The following RGS13 variants were observed in gnomAD, a reference collection of about 807,000 sequenced individuals.
RGS13 encodes the protein regulator of G protein signaling 13.
In RGS13, 14 loss-of-function variants were observed where a neutral mutation model predicts 19.9. The ratio of observed to expected loss-of-function variants is 0.70; its 90% CI spans 0.46 to 1.10. The LOEUF (loss-of-function observed/expected upper bound fraction) is 1.10, where lower values mean the gene tolerates loss of function less well. RGS13 is among the 50% of genes least tolerant of loss of function. The pLI is 0.00. For missense variants in RGS13, 205 were observed against 187.1 expected, an observed-to-expected ratio of 1.10 and a Z score of -0.56; for synonymous variants, 60 against 56.8, an observed-to-expected ratio of 1.06 and a Z score of -0.25.
In RGS13 at chr1:192,644,339, G is replaced by A; in HGVS notation, c.5G>A (p.Ser2Asn). Residue 2 changes from serine to asparagine, a missense_variant, in exon 4 of 7, where the codon AGC becomes AAC. By Grantham distance (46) the Ser-to-Asn change is conservative (BLOSUM62 1). Coordinates refer to ENST00000391995, the MANE Select transcript of RGS13 (RefSeq NM_002927.5). Reference protein sequence around the residue: MSRRNCWICKMC... With the variant: MNRRNCWICKMC... Reference sequence around the variant, plus strand: ...ATACTGTATTTCCTTAGAAAAATGAGCAGGCGGAATTGTTGGATTTGTAAG... The same window carrying A: ...ATACTGTATTTCCTTAGAAAAATGAACAGGCGGAATTGTTGGATTTGTAAG... 2 of 1,608,262 alleles carry A rather than the reference G, an allele frequency of 1.2e-6. No individual in the cohort carries two copies. The highest frequency in any genetic ancestry group is 1.1e-5 in the South Asian group (1 of 90,356).
At chr1:192,644,196 G>T in intron 3 of RGS13, 135 bp from the exon 4 acceptor site, 1 of 516,046 alleles carries the variant, frequency 1.9e-6, no homozygotes, top group South Asian at 4.6e-5. Flanking sequence ...CTCCCCCAGT[G>T]ACTGTATTCC....
rs74741504 is a variant in RGS13, at chr1:192,644,768, G to A, written c.65+369G>A. ...AGCTTCATCCCTAGATAAAGAAGGT[G>A]AGACTGGAGGAGGAATCAAATGTTA... On this transcript the variant is annotated intron_variant, in intron 4 of 6. Coordinates refer to ENST00000391995, the MANE Select transcript of RGS13 (RefSeq NM_002927.5). 1,203 of 163,102 alleles carry A rather than the reference G, an allele frequency of 7.4e-3. 43 individuals are homozygous for A. Among genetic ancestry groups the A allele is most frequent in the Admixed American group, 0.06 (934 of 15,612 alleles). The allele number at this position is 163,102 out of a possible 1,614,324, so 10.1% of individuals were successfully genotyped here.
intron 5 of RGS13, among the ~76,000 whole-genome samples, chr1:192,655,930 G>A (rs1468159866): frequency 1.3e-5 from 2 of 151,976 alleles, no homozygotes; most frequent in African/African-American, 4.8e-5. Context: ...TGTATATATG[G>A]CTTCATTAGC....
chr1:192,641,251 AAGAAAAG>A (rs1663108809), intron 3 of RGS13, among the ~76,000 whole-genome samples: 2 of 57,560 alleles, frequency 3.5e-5, no homozygotes, highest in Admixed American at 2.2e-4. Flanking sequence ...AAAGAAAAGA[AAGAAAAG>A]AAAGAAAGAA....
chr1:192,654,911 C>T (rs949299345), intron 5 of RGS13, among the ~76,000 whole-genome samples: 6 of 151,928 alleles, frequency 3.9e-5, no homozygotes, highest in African/African-American at 1.5e-4. Context: ...TTCCATCCTC[C>T]CAATTTAAAT....
intron 3 of RGS13, among the ~76,000 whole-genome samples, chr1:192,644,015 G>C (rs12022842): frequency 1.3e-5 from 2 of 152,012 alleles, no homozygotes; most frequent in Admixed American, 6.6e-5. Context: ...TGGTAAATTC[G>C]TTATCGGTAA....
chr1:192,638,527 C>A (rs1446235518), intron 3 of RGS13, among the ~76,000 whole-genome samples: 1 of 151,972 alleles, frequency 6.6e-6, no homozygotes, highest in East Asian at 1.9e-4. Context: ...ACGTGTGAAT[C>A]CAGTAGTAAT....
chr1:192,655,846 T>C (rs1045853848), intron 5 of RGS13, among the ~76,000 whole-genome samples: 2 of 151,872 alleles, frequency 1.3e-5, no homozygotes, highest in African/African-American at 4.8e-5. Flanking sequence ...GATAGATAGA[T>C]GGAAACAGAT....
chr1:192,640,091 T>C (rs571313937), intron 3 of RGS13, among the ~76,000 whole-genome samples: 1 of 151,774 alleles, frequency 6.6e-6, no homozygotes, highest in Non-Finnish European at 1.5e-5. Flanking sequence ...AAATAGAGGG[T>C]AGGGGAGAAG....
chr1:192,659,570 G>T lies in RGS13; in HGVS notation c.*47G>T. On this transcript the variant is annotated 3_prime_UTR_variant, in exon 7 of 7. Transcript: ENST00000391995. ...AGAAAACAGTATATTGAAAGTGGTG[G>T]GTTTGATCTTTTTATTTAGAAACCC... 2 of 1,355,220 alleles carry T rather than the reference G, an allele frequency of 1.5e-6. No individual in the cohort carries two copies. Among genetic ancestry groups the T allele is most frequent in the East Asian group, 2.4e-5 (1 of 41,152 alleles). The allele number at this position is 1,355,220 out of a possible 1,614,324, so 83.9% of individuals were successfully genotyped here.
At chr1:192,641,216 GAA>G (rs1558049054) in intron 3 of RGS13, among the ~76,000 whole-genome samples, 77 of 88,090 alleles carry the variant, frequency 8.7e-4, no homozygotes, top group African/African-American at 4.0e-3. Context: ...AAGAAAGAAA[GAA>G]AGAGAGAAAG....
chr1:192,659,293 T>C, intron 6 of RGS13, 45 bp from the exon 7 acceptor site: 1 of 1,472,548 alleles, frequency 6.8e-7, no homozygotes, highest in Middle Eastern at 1.8e-4. Flanking sequence ...TGCCTTTTTT[T>C]CAACTATGCT....
chr1:192,657,773 C>T (rs540654809), intron 5 of RGS13, among the ~76,000 whole-genome samples: 1 of 152,194 alleles, frequency 6.6e-6, no homozygotes, highest in African/African-American at 2.4e-5. Context: ...TTTCTCCTGA[C>T]CTTGACCTAC....
intron 1 of RGS13, 145 bp downstream of exon 1, chr1:192,636,462 CAT>C (rs1663020858): frequency 6.6e-6 from 1 of 151,966 alleles, no homozygotes; most frequent in African/African-American, 2.4e-5. Context: ...CTAACAAACA[CAT>C]ATTCTTTTGC....
chr1:192,647,478 C>T (rs1663242230), intron 4 of RGS13: 1 of 152,158 alleles, frequency 6.6e-6, no homozygotes, highest in Admixed American at 6.6e-5. Flanking sequence ...AATGATTATA[C>T]ATTTGTAATT....
At chr1:192,653,463 C>A (rs1188421443) in intron 5 of RGS13, among the ~76,000 whole-genome samples, 1 of 151,918 alleles carries the variant, frequency 6.6e-6, no homozygotes, top group Admixed American at 6.6e-5. Flanking sequence ...TCTAAAAATT[C>A]TATTTTAAAT....
At position 192,659,603 on chromosome 1, in the gene RGS13, C is replaced by A; in HGVS notation, c.*80C>A. On this transcript the variant is annotated 3_prime_UTR_variant, in exon 7 of 7. Transcript: ENST00000391995. ...CTTTTTATTTAGAAACCCACAAAAT[C>A]AGAAACACAGTACAAATAAAACAGA... 1.1e-6 allele frequency: 1 copy of A among 934,424 alleles called. No homozygotes were observed. The highest frequency in any genetic ancestry group is 1.6e-6 in the Non-Finnish European group (1 of 613,212). The allele number at this position is 934,424 out of a possible 1,614,324, so 57.9% of individuals were successfully genotyped here.
At chr1:192,658,049 G>T (rs1401734717) in intron 5 of RGS13, 152 bp from the exon 6 acceptor site, 3 of 597,544 alleles carry the variant, frequency 5.0e-6, no homozygotes, top group East Asian at 5.6e-5. Context: ...GTGTGTGATA[G>T]ACATGAAAAT....
intron 4 of RGS13, 139 bp downstream of exon 4, chr1:192,644,538 A>T: frequency 1.5e-6 from 1 of 656,346 alleles, no homozygotes; most frequent in Non-Finnish European, 2.7e-6. Flanking sequence ...TCATTTCATC[A>T]GAAGAGCAGT....
Sources: allele counts gnomAD v4.1 joint callset (sites outside exome capture counted in the v4.1 genomes callset), GRCh38; gene constraint gnomAD v4.1.1; transcripts MANE v1.5; gene names NCBI Gene and HGNC (gene_info 2026-07-23, HGNC 2026-07-21).